AMPH: variants seen among roughly 807,000 people sequenced by gnomAD.
The protein encoded by AMPH is amphiphysin (Stiff-Mann syndrome with breast cancer 128kD autoantigen).
A neutral mutation model predicts 99.1 loss-of-function variants in AMPH; 49 were observed. The observed-to-expected ratio is 0.49, with a 90% CI of 0.39 to 0.63. The LOEUF (loss-of-function observed/expected upper bound fraction) is 0.63, where lower values mean the gene tolerates loss of function less well. Among genes scored for constraint, AMPH ranks in the 20% least tolerant of loss-of-function variants. The pLI is 0.00. For synonymous variants in AMPH, 314 were observed against 317.3 expected, an observed-to-expected ratio of 0.99 and a Z score of 0.11; for missense variants, 759 against 863.4, an observed-to-expected ratio of 0.88 and a Z score of 1.52.
chr7:38,583,602 A>G (rs1249983015), intron 1 of AMPH, among the ~76,000 whole-genome samples: 1 of 152,202 alleles, frequency 6.6e-6, no homozygotes, highest in Non-Finnish European at 1.5e-5. Flanking sequence ...GACATATTCT[A>G]TCAGGTATTT....
intron 17 of AMPH, among the ~76,000 whole-genome samples, chr7:38,415,099 AACTGAAGACAAT>A (rs1785331347): frequency 6.6e-6 from 1 of 152,204 alleles, no homozygotes; most frequent in Non-Finnish European, 1.5e-5. Flanking sequence ...TGTTGGGAAA[AACTGAAGACAAT>A]ACTACCTATA....
At chr7:38,605,202 G>A (rs1178775810) in intron 1 of AMPH, among the ~76,000 whole-genome samples, 2 of 152,140 alleles carry the variant, frequency 1.3e-5, no homozygotes, top group Non-Finnish European at 2.9e-5. Flanking sequence ...GTGGGAGAAG[G>A]GGACAAGAGA....
intron 1 of AMPH, among the ~76,000 whole-genome samples, chr7:38,560,925 G>T (rs1322615382): frequency 6.6e-6 from 1 of 152,206 alleles, no homozygotes; most frequent in Non-Finnish European, 1.5e-5. Context: ...TTGGCTAAAT[G>T]ATATGTTATA....
At chr7:38,622,281 G>T (rs1267403416) in intron 1 of AMPH, among the ~76,000 whole-genome samples, 1 of 152,122 alleles carries the variant, frequency 6.6e-6, no homozygotes, top group Non-Finnish European at 1.5e-5. Flanking sequence ...GGACAGTAAG[G>T]TGGAAATTTC....
rs10556315 is a variant in AMPH, at chr7:38,432,587, T to TACACACACAC, written c.1135-385_1135-376dup. 5.1e-3 allele frequency among the ~76,000 whole-genome samples: 749 copies of TACACACACAC among 148,170 alleles called. 3 individuals are homozygous for TACACACACAC. The highest frequency in any genetic ancestry group is 0.01 in the Middle Eastern group (3 of 286). ...TGAAACACAAATGAGGTTATTTTAA[T>TACACACACAC]ACACACACACACACACACACACACA... On this transcript the variant is annotated intron_variant, in intron 12 of 20. Transcript: ENST00000356264.
intron 1 of AMPH, among the ~76,000 whole-genome samples, chr7:38,566,235 C>T (rs1424191812): frequency 6.6e-6 from 1 of 152,112 alleles, no homozygotes; most frequent in East Asian, 1.9e-4. Context: ...GCATCTCATC[C>T]TAATGTTGTC....
chr7:38,610,001 C>A (rs1261398030), intron 1 of AMPH, among the ~76,000 whole-genome samples: 2 of 151,496 alleles, frequency 1.3e-5, no homozygotes, highest in Non-Finnish European at 2.9e-5. Flanking sequence ...ACCTGTAAAT[C>A]CCACCTGTAA....
intron 19 of AMPH, among the ~76,000 whole-genome samples, chr7:38,391,017 A>AGAGAGAGAGAG (rs1784478905): frequency 1.0e-5 from 1 of 99,272 alleles, no homozygotes; most frequent in East Asian, 3.3e-4. Context: ...GAGAGAGAGA[A>AGAGAGAGAGAG]TGATACAACA....
At chr7:38,406,376 C>A (rs1483213523) in intron 17 of AMPH, among the ~76,000 whole-genome samples, 1 of 151,872 alleles carries the variant, frequency 6.6e-6, no homozygotes, top group Non-Finnish European at 1.5e-5. Context: ...CAGAGCGGAA[C>A]TAAATGAAAT....
intron 10 of AMPH, among the ~76,000 whole-genome samples, chr7:38,462,025 C>T (rs1400879583): frequency 6.6e-6 from 1 of 152,182 alleles, no homozygotes; most frequent in East Asian, 1.9e-4. Context: ...TGTGAAAACA[C>T]TCTCTCATGA....
intron 7 of AMPH, among the ~76,000 whole-genome samples, chr7:38,473,408 A>G (rs1787955596): frequency 6.6e-6 from 1 of 151,828 alleles, no homozygotes; most frequent in Admixed American, 6.6e-5. Flanking sequence ...ATTTTGGATA[A>G]AAGTATTCCA....
At chr7:38,507,393 GA>G (rs1228918323) in intron 2 of AMPH, among the ~76,000 whole-genome samples, 2 of 152,098 alleles carry the variant, frequency 1.3e-5, no homozygotes, top group African/African-American at 4.8e-5. Flanking sequence ...TCGGTTTCAT[GA>G]ATCACTCAGT....
At chr7:38,396,326 A>G (rs1784667683) in intron 17 of AMPH, among the ~76,000 whole-genome samples, 1 of 152,188 alleles carries the variant, frequency 6.6e-6, no homozygotes, top group South Asian at 2.1e-4. Flanking sequence ...GGTTTTAAAA[A>G]TGGGAGTTTC....
intron 11 of AMPH, among the ~76,000 whole-genome samples, chr7:38,438,745 A>C (rs1207804184): frequency 6.6e-6 from 1 of 152,130 alleles, no homozygotes; most frequent in Admixed American, 6.5e-5. Flanking sequence ...CAATTAATTG[A>C]GCTTCTTTGA....
intron 8 of AMPH, 67 bp from the exon 9 acceptor site, chr7:38,465,616 C>T: frequency 7.2e-7 from 1 of 1,395,612 alleles, no homozygotes; most frequent in Non-Finnish European, 9.9e-7. Flanking sequence ...GGCTATTCTC[C>T]CCAAGAAAGA....
chr7:38,589,055 G>A (rs1385678714), intron 1 of AMPH, among the ~76,000 whole-genome samples: 1 of 152,020 alleles, frequency 6.6e-6, no homozygotes, highest in Non-Finnish European at 1.5e-5. Flanking sequence ...ACAAAAGTAG[G>A]TGAGTCCATT....
rs1562764395 is a variant in AMPH, at chr7:38,451,372, GTATATACACATGTA to G, written c.1017+9897_1017+9910del. Among the ~76,000 whole-genome samples the G allele has an allele frequency of 7.0e-4, 104 of 147,866 alleles. No individual in the cohort carries two copies. In the East Asian group the frequency reaches 9.1e-3, roughly 13 times the overall value. ...ACGTTATATACACGTATATATATGTGTATATACACATGTATATATACATATACGTGTGTATATAC... is the reference window on the plus strand; with the variant it reads ...ACGTTATATACACGTATATATATGTGTATATACATATACGTGTGTATATAC... On this transcript the variant is annotated intron_variant, in intron 11 of 20. Coordinates refer to ENST00000356264, the MANE Select transcript of AMPH (RefSeq NM_001635.4).
intron 11 of AMPH, 81 bp from the exon 12 acceptor site, chr7:38,436,469 C>T (rs1320066825): frequency 2.0e-6 from 2 of 1,010,118 alleles, no homozygotes; most frequent in East Asian, 2.4e-5. Flanking sequence ...CATGTATACT[C>T]TCTCTAATAT....
chr7:38,412,797 T>C (rs1208377535), intron 17 of AMPH, among the ~76,000 whole-genome samples: 1 of 152,220 alleles, frequency 6.6e-6, no homozygotes, highest in Non-Finnish European at 1.5e-5. Context: ...GCACTGCCAG[T>C]TCTCTGAATA....
Sources: gnomAD v4.1 joint callset for allele counts (sites outside exome capture counted in the v4.1 genomes callset) on GRCh38, gnomAD v4.1.1 for gene constraint, MANE v1.5 for transcripts, NCBI Gene and HGNC (gene_info 2026-07-23, HGNC 2026-07-21) for gene names.